CHCHD6: variants seen among roughly 807,000 people sequenced by gnomAD.
CHCHD6 encodes coiled-coil-helix-coiled-coil-helix domain containing 6, also known as MICOS complex subunit MIC25.
CHCHD6 carries 28 observed loss-of-function variants against 32.3 expected under a neutral mutation model. The ratio of observed to expected loss-of-function variants is 0.87; its 90% confidence interval spans 0.64 to 1.19. CHCHD6 has a LOEUF of 1.19. Among genes scored for constraint, CHCHD6 ranks in the 50% most tolerant of loss-of-function variants. CHCHD6 has a pLI of 0.00. For missense variants in CHCHD6, 333 were observed against 307.0 expected (o/e 1.08, Z -0.63); for synonymous variants, 122 against 117.5 (o/e 1.04, Z -0.25).
chr3:126,747,392 C>T (rs1471883352), intron 4 of CHCHD6, among the ~76,000 whole-genome samples: 2 of 152,130 alleles, frequency 1.3e-5, no homozygotes, highest in Admixed American at 6.5e-5. Context: ...TAGTGCAACT[C>T]ATAAGGTTAG....
At chr3:126,952,419 A>G (rs560690776) in intron 6 of CHCHD6, among the ~76,000 whole-genome samples, 2 of 152,308 alleles carry the variant, frequency 1.3e-5, no homozygotes, top group East Asian at 3.9e-4. Context: ...AGGGGACAGC[A>G]GGTCTTGAGC....
intron 4 of CHCHD6, among the ~76,000 whole-genome samples, chr3:126,840,135 G>A (rs1030719887): frequency 6.6e-6 from 1 of 152,156 alleles, no homozygotes; most frequent in African/African-American, 2.4e-5. Flanking sequence ...GCATGTATTA[G>A]TACTTCATTG....
At chr3:126,771,926 A>T (rs1937549660) in intron 4 of CHCHD6, among the ~76,000 whole-genome samples, 1 of 152,210 alleles carries the variant, frequency 6.6e-6, no homozygotes, top group South Asian at 2.1e-4. Flanking sequence ...CCATGTGGCA[A>T]TATGAAGTTG....
At chr3:126,753,764 C>T (rs1936832016) in intron 4 of CHCHD6, among the ~76,000 whole-genome samples, 1 of 152,218 alleles carries the variant, frequency 6.6e-6, no homozygotes, top group Admixed American at 6.5e-5. Flanking sequence ...GCTCTCTGGG[C>T]TGCAGTGCTC....
At chr3:126,719,813 C>G (rs1431418894) in intron 1 of CHCHD6, among the ~76,000 whole-genome samples, 4 of 152,060 alleles carry the variant, frequency 2.6e-5, no homozygotes, top group Non-Finnish European at 5.9e-5. Flanking sequence ...GTTACCGCTC[C>G]CTTGTCTGTT....
rs368879092 is a variant in CHCHD6 at position 126,815,352 on chromosome 3, ACT to A, written c.412-37292_412-37291del. Among the ~76,000 whole-genome samples the A allele has an allele frequency of 2.2e-3, 336 of 151,220 alleles. 1 individual carries two copies. Among genetic ancestry groups the A allele is most frequent in the African/African-American group, 7.9e-3 (324 of 41,112 alleles). ...TCCAGCCATCCTCTGTATGCCAGAG[ACT>A]CTGAATTCTGCATGTCCAGATCCAC... On this transcript the variant is annotated intron_variant, in intron 4 of 7. Transcript: ENST00000290913.
intron 4 of CHCHD6, among the ~76,000 whole-genome samples, chr3:126,789,481 C>A (rs994154785): frequency 4.6e-5 from 7 of 152,170 alleles, no homozygotes; most frequent in African/African-American, 1.4e-4. Context: ...GTCTCTAAGG[C>A]CTTGCTTTAT....
chr3:126,916,275 C>A (rs7644035), intron 6 of CHCHD6, among the ~76,000 whole-genome samples: 6 of 151,572 alleles, frequency 4.0e-5, no homozygotes, highest in Admixed American at 6.6e-5. Context: ...GTGGCACATG[C>A]CTGTAATCCC....
At position 126,872,478 on chromosome 3, in the gene CHCHD6, T is replaced by G. The variant is rs939841024; in HGVS notation, c.495+19748T>G. Reference sequence around the variant, plus strand: ...AGATTTCCACCGCAGAGTCCTAGTCTAGGCTCGGGCTCAAGAATCTGCATT... The same window carrying G: ...AGATTTCCACCGCAGAGTCCTAGTCGAGGCTCGGGCTCAAGAATCTGCATT... On this transcript the variant is annotated intron_variant, in intron 5 of 7. Coordinates refer to ENST00000290913, the MANE Select transcript of CHCHD6 (RefSeq NM_032343.3). Among the ~76,000 whole-genome samples, 4 of 152,308 alleles carry G rather than the reference T, an allele frequency of 2.6e-5. No individual in the cohort carries two copies. In the East Asian group the frequency reaches 7.7e-4, roughly 29 times the overall value.
intron 6 of CHCHD6, among the ~76,000 whole-genome samples, chr3:126,926,774 A>G (rs2078330263): frequency 1.3e-5 from 2 of 152,070 alleles, no homozygotes; most frequent in South Asian, 4.2e-4. Context: ...ATATGATTGG[A>G]TTTGTGTTTT....
At chr3:126,872,480 G>C (rs1480736833) in intron 5 of CHCHD6, among the ~76,000 whole-genome samples, 1 of 152,158 alleles carries the variant, frequency 6.6e-6, no homozygotes, top group Non-Finnish European at 1.5e-5. Flanking sequence ...TCCTAGTCTA[G>C]GCTCGGGCTC....
Position 126,727,160 on chromosome 3 carries a change from A to G in CHCHD6, c.170A>G (p.Asp57Gly), listed in dbSNP as rs748782485. The change falls in exon 2 of 8, where the codon GAT becomes GGT. Residue 57 changes from aspartate (D) to glycine (G), a missense_variant. Transcript: ENST00000290913. ...APTSSTFGLQ[D>G]GNLRAPHKES... ...ACATCTTCTACCTTTGGCCTTCAAG[A>G]TGGCAACTTGAGAGCCCCTCACAAA... 13 of 1,612,934 alleles carry G rather than the reference A, an allele frequency of 8.1e-6. No individual in the cohort carries two copies. Among genetic ancestry groups the G allele is most frequent in the Non-Finnish European group, 1.1e-5 (13 of 1,178,898 alleles).
intron 6 of CHCHD6, among the ~76,000 whole-genome samples, chr3:126,942,508 C>T (rs1413806019): frequency 6.6e-6 from 1 of 152,120 alleles, no homozygotes; most frequent in African/African-American, 2.4e-5. Context: ...AGTAAGGAGT[C>T]AAGGACTCAT....
At chr3:126,745,392 C>T (rs1936454512) in intron 4 of CHCHD6, among the ~76,000 whole-genome samples, 1 of 152,196 alleles carries the variant, frequency 6.6e-6, no homozygotes, top group African/African-American at 2.4e-5. Context: ...CACACCTCTC[C>T]TGGAGTTGTT....
intron 5 of CHCHD6, among the ~76,000 whole-genome samples, chr3:126,873,421 G>C (rs2077502922): frequency 6.6e-6 from 1 of 152,220 alleles, no homozygotes; most frequent in South Asian, 2.1e-4. Flanking sequence ...GTTTTTGGCA[G>C]AGTAAGAGCT....
chr3:126,882,712 C>T (rs1480387901), intron 5 of CHCHD6, among the ~76,000 whole-genome samples: 1 of 152,190 alleles, frequency 6.6e-6, no homozygotes, highest in Non-Finnish European at 1.5e-5. Flanking sequence ...AATTATCACA[C>T]ATGCAAGACT....
intron 5 of CHCHD6, among the ~76,000 whole-genome samples, chr3:126,861,562 A>AT (rs1941870197): frequency 6.7e-6 from 1 of 148,376 alleles, no homozygotes. Flanking sequence ...CACCAGCACC[A>AT]CCACCTCATC....
chr3:126,757,314 ACTGACC>A (rs1936989958), intron 4 of CHCHD6, among the ~76,000 whole-genome samples: 1 of 152,206 alleles, frequency 6.6e-6, no homozygotes, highest in Admixed American at 6.5e-5. Flanking sequence ...GGTAAGGGAA[ACTGACC>A]CTGTACTTGG....
intron 6 of CHCHD6, among the ~76,000 whole-genome samples, chr3:126,948,218 C>T (rs1197983171): frequency 6.6e-6 from 1 of 152,226 alleles, no homozygotes; most frequent in Non-Finnish European, 1.5e-5. Flanking sequence ...ACATGTCAGG[C>T]CTTTCAGCCC....
Sources: gnomAD v4.1 joint callset for allele counts (sites outside exome capture counted in the v4.1 genomes callset) on GRCh38, gnomAD v4.1.1 for gene constraint, MANE v1.5 for transcripts, NCBI Gene and HGNC (gene_info 2026-07-23, HGNC 2026-07-21) for gene names.